The following MLIP variants were observed in gnomAD, a reference collection of about 807,000 sequenced individuals.
The protein encoded by MLIP is muscular LMNA-interacting protein.
A neutral mutation model predicts 84.8 loss-of-function variants in MLIP; 79 were observed. The observed-to-expected ratio is 0.93, with a 90% CI of 0.78 to 1.12. The LOEUF is 1.12. MLIP is among the 50% of genes most tolerant of loss of function. The pLI is 0.00. For missense variants in MLIP, 1,257 were observed against 1,160.6 expected, an observed-to-expected ratio of 1.08 and a Z score of -1.21; for synonymous variants, 504 against 463.0, an observed-to-expected ratio of 1.09 and a Z score of -1.14.
chr6:54,107,334 A>G (rs1304425530), upstream of MLIP, among the ~76,000 whole-genome samples: 1 of 152,206 alleles, frequency 6.6e-6, no homozygotes, highest in Non-Finnish European at 1.5e-5. Context: ...CAGAAGTAGA[A>G]GTCTGTGTCC....
At chr6:54,041,380 T>C (rs1366545094) in intron 1 of MLIP, among the ~76,000 whole-genome samples, 2 of 152,246 alleles carry the variant, frequency 1.3e-5, no homozygotes, top group African/African-American at 4.8e-5. Flanking sequence ...GAAGCTGTTA[T>C]ATAGTTTAGT....
In MLIP at chr6:54,169,526, A is replaced by G; in HGVS notation, c.2500-2A>G. On this transcript the variant is annotated splice_acceptor_variant, in intron 8 of 13. Coordinates refer to ENST00000502396, the MANE Select transcript of MLIP (RefSeq NM_001281747.2). LOFTEE classifies it high-confidence loss of function. ...TGTATAATTGTTTTTATTTTCATAC[A>G]GACTCCTACAACTCTTCCAAGAGCA... is the stretch of plus-strand genomic sequence containing the variant. 6.3e-7 allele frequency: 1 copy of G among 1,578,074 alleles called. No homozygotes were observed. Among genetic ancestry groups the G allele is most frequent in the Non-Finnish European group, 8.6e-7 (1 of 1,163,576 alleles).
chr6:54,203,352 G>A (rs1778820386), intron 11 of MLIP, among the ~76,000 whole-genome samples: 1 of 152,048 alleles, frequency 6.6e-6, no homozygotes, highest in African/African-American at 2.4e-5. Context: ...GTCAGGACAT[G>A]TAAGATCATC....
chr6:54,148,605 A>T lies in MLIP; in HGVS notation c.2218-451A>T, dbSNP rs78476104. On this transcript the variant is annotated intron_variant, in intron 4 of 13. Transcript: ENST00000502396. Reference sequence around the variant, plus strand: ...TGTATTTTGATCTCTGTTTTTACGGATGATGCAAGAAAATGATCAAGAGCT... The same window carrying T: ...TGTATTTTGATCTCTGTTTTTACGGTTGATGCAAGAAAATGATCAAGAGCT... Among the ~76,000 whole-genome samples, 103 of 152,264 alleles carry T rather than the reference A, an allele frequency of 6.8e-4. No individual in the cohort carries two copies. The East Asian group carries it at 0.011, about 16-fold the overall frequency.
chr6:54,026,753 A>G (rs1763828091), intron 1 of MLIP, among the ~76,000 whole-genome samples: 1 of 151,238 alleles, frequency 6.6e-6, no homozygotes, highest in Non-Finnish European at 1.5e-5. Context: ...TGATGGTGAC[A>G]AGGATTCTTA....
chr6:54,221,615 C>T (rs1023969648), intron 11 of MLIP, among the ~76,000 whole-genome samples: 2 of 151,978 alleles, frequency 1.3e-5, no homozygotes, highest in East Asian at 1.9e-4. Context: ...AAAATATAAC[C>T]TCTATCTTCA....
At chr6:54,175,923 TGA>T (rs1776236942) in intron 9 of MLIP, among the ~76,000 whole-genome samples, 1 of 152,028 alleles carries the variant, frequency 6.6e-6, no homozygotes, top group African/African-American at 2.4e-5. Context: ...CCCAGTTTTT[TGA>T]GAGTTTTTTA....
intron 1 of MLIP, among the ~76,000 whole-genome samples, chr6:54,034,706 T>G (rs1364266785): frequency 6.6e-6 from 1 of 152,076 alleles, no homozygotes; most frequent in Non-Finnish European, 1.5e-5. Flanking sequence ...AGTAAAAAAA[T>G]TAAAGTAAGC....
At chr6:54,123,122 A>T (rs960193979) in intron 2 of MLIP, among the ~76,000 whole-genome samples, 1 of 147,736 alleles carries the variant, frequency 6.8e-6, no homozygotes, top group Admixed American at 6.7e-5. Flanking sequence ...TTTTTAGTAG[A>T]GACGGGGTTT....
upstream of MLIP, among the ~76,000 whole-genome samples, chr6:54,109,920 TCTTTCTTCCTTCCTTC>T (rs1422920724): frequency 6.0e-4 from 31 of 52,098 alleles, no homozygotes; most frequent in East Asian, 3.6e-3. Context: ...TTTCTTTCTT[TCTTTCTTCCTTCCTTC>T]CTTCCTTCCT....
At chr6:54,054,488 G>A (rs557120034) in intron 1 of MLIP, among the ~76,000 whole-genome samples, 18 of 150,030 alleles carry the variant, frequency 1.2e-4, no homozygotes, top group African/African-American at 3.9e-4. Context: ...ATCGGATATA[G>A]CATCCTGTAA....
chr6:54,195,419 T>C (rs1399160973), intron 10 of MLIP, among the ~76,000 whole-genome samples: 2 of 152,040 alleles, frequency 1.3e-5, no homozygotes, highest in Admixed American at 6.6e-5. Flanking sequence ...AGTCCATTAG[T>C]GTTAGTTGAA....
At chr6:54,103,680 A>G (rs923503859) in intron 1 of MLIP, among the ~76,000 whole-genome samples, 1 of 152,196 alleles carries the variant, frequency 6.6e-6, no homozygotes, top group African/African-American at 2.4e-5. Flanking sequence ...ATCTGCCTTC[A>G]CTAATTCTGC....
At chr6:54,034,290 A>G (rs142295881) in intron 1 of MLIP, among the ~76,000 whole-genome samples, 1,606 of 152,312 alleles carry the variant, frequency 0.011, 17 homozygotes, top group Non-Finnish European at 0.016. Flanking sequence ...CTCTTCATCT[A>G]TATTCATCAA....
intron 10 of MLIP, among the ~76,000 whole-genome samples, chr6:54,201,562 C>G (rs1188657141): frequency 1.3e-5 from 2 of 152,168 alleles, no homozygotes; most frequent in Non-Finnish European, 2.9e-5. Flanking sequence ...AATCCCTGTT[C>G]CACGTTATTG....
intron 3 of MLIP, among the ~76,000 whole-genome samples, chr6:54,135,378 A>C (rs754405368): frequency 1.3e-5 from 2 of 152,150 alleles, no homozygotes; most frequent in African/African-American, 2.4e-5. Context: ...CACATATAAA[A>C]GAAAAGAATA....
chr6:54,170,359 A>G (rs1257015086), intron 9 of MLIP, among the ~76,000 whole-genome samples: 1 of 151,666 alleles, frequency 6.6e-6, no homozygotes, highest in Non-Finnish European at 1.5e-5. Context: ...GTGTCATATC[A>G]TCATTGTAAT....
At chr6:54,083,344 A>G (rs1383570270) in intron 1 of MLIP, 2 of 812,570 alleles carry the variant, frequency 2.5e-6, no homozygotes, top group East Asian at 2.9e-5. Context: ...AGATAGGTTA[A>G]TATATTCAGA....
At chr6:54,063,292 C>G (rs930552174) in intron 1 of MLIP, 1 of 151,914 alleles carries the variant, frequency 6.6e-6, no homozygotes, top group Non-Finnish European at 1.5e-5. Flanking sequence ...CCCTCTTTTC[C>G]TCTATCACCT....
Sources: allele counts gnomAD v4.1 joint callset (sites outside exome capture counted in the v4.1 genomes callset), GRCh38; gene constraint gnomAD v4.1.1; transcripts MANE v1.5; gene names NCBI Gene and HGNC (gene_info 2026-07-23, HGNC 2026-07-21).